The following UBQLN1 variants were observed in gnomAD, a reference collection of about 807,000 sequenced individuals.
UBQLN1 encodes the protein ubiquilin 1.
UBQLN1 carries 13 observed loss-of-function variants against 65.4 expected under a neutral mutation model. The observed-to-expected ratio is 0.20, with a 90% CI of 0.13 to 0.32. The LOEUF (loss-of-function observed/expected upper bound fraction) is 0.32. UBQLN1 is among the 10% of genes least tolerant of loss of function. UBQLN1 has a pLI of 1.00. For synonymous variants in UBQLN1, 267 were observed against 247.8 expected, an observed-to-expected ratio of 1.08 and a Z score of -0.73; for missense variants, 561 against 724.0, an observed-to-expected ratio of 0.77 and a Z score of 2.58.
At chr9:83,673,038 T>C (rs1170395476) in intron 6 of UBQLN1, among the ~76,000 whole-genome samples, 2 of 152,210 alleles carry the variant, frequency 1.3e-5, no homozygotes, top group East Asian at 1.9e-4. Context: ...TCAAGCAGCC[T>C]GGCCAACATG....
chr9:83,682,907 G>T, intron 3 of UBQLN1, 44 bp downstream of exon 3: 1 of 1,066,376 alleles, frequency 9.4e-7, no homozygotes, highest in South Asian at 1.6e-5. Context: ...GAAGGGAAAG[G>T]AGTATTTTTT....
chr9:83,673,286 C>G (rs1831765232), intron 6 of UBQLN1, among the ~76,000 whole-genome samples: 1 of 150,564 alleles, frequency 6.6e-6, no homozygotes, highest in Admixed American at 6.6e-5. Context: ...CACCTGTAAT[C>G]CTAGCACTTT....
At chr9:83,665,973 T>C (rs759117365) in intron 8 of UBQLN1, among the ~76,000 whole-genome samples, 1 of 152,100 alleles carries the variant, frequency 6.6e-6, no homozygotes, top group Admixed American at 6.5e-5. Context: ...ACCTATAAAA[T>C]AGAATAGGGT....
chr9:83,692,225 G>A (rs962108666), intron 1 of UBQLN1, among the ~76,000 whole-genome samples: 9 of 152,184 alleles, frequency 5.9e-5, no homozygotes, highest in Non-Finnish European at 1.3e-4. Context: ...AAATAATGTA[G>A]TGTTTTTATC....
chr9:83,677,647 AAAG>A (rs1395931684), intron 6 of UBQLN1, 77 bp downstream of exon 6: 2 of 1,006,258 alleles, frequency 2.0e-6, no homozygotes. Context: ...ACAAAAGCAC[AAAG>A]AATAAGAGTA....
In UBQLN1 at chr9:83,660,254, A is replaced by G; in HGVS notation, c.*1533T>C. On this transcript the variant is annotated 3_prime_UTR_variant, in exon 11 of 11. Coordinates refer to ENST00000376395, the MANE Select transcript of UBQLN1 (RefSeq NM_013438.5). ...TAACCTTTTTAATAGCAAGCAACATACAGAAGTAATGCAATCAACTTGTAT... is the reference window on the plus strand; with the variant it reads ...TAACCTTTTTAATAGCAAGCAACATGCAGAAGTAATGCAATCAACTTGTAT... 6.5e-6 allele frequency: 1 copy of G among 152,762 alleles called. No homozygotes were observed. 9.5% of individuals were successfully genotyped at this position (152,762 alleles called of 1,614,324 possible).
At chr9:83,699,084 T>C (rs1210881915) in intron 1 of UBQLN1, among the ~76,000 whole-genome samples, 1 of 152,086 alleles carries the variant, frequency 6.6e-6, no homozygotes, top group Admixed American at 6.5e-5. Context: ...TGGTGGTTGC[T>C]AGAGGTGGGG....
At chr9:83,699,302 G>C (rs1019900331) in intron 1 of UBQLN1, among the ~76,000 whole-genome samples, 4 of 152,164 alleles carry the variant, frequency 2.6e-5, no homozygotes, top group Non-Finnish European at 5.9e-5. Flanking sequence ...CCTTCCTTTT[G>C]ATTAAAGTGG....
chr9:83,665,330 AATT>A, intron 8 of UBQLN1, 185 bp from the exon 9 acceptor site: 1 of 461,970 alleles, frequency 2.2e-6, no homozygotes, highest in Non-Finnish European at 3.8e-6. Flanking sequence ...CTAGTGTGCA[AATT>A]ATTACTTGAC....
chr9:83,707,440 G>A lies in UBQLN1; in HGVS notation c.180+60C>T, dbSNP rs1832430636. Reference sequence around the variant, plus strand: ...CAGGCCCTTCCAAAAGGTCTCCTGGGGCGGCGGGCGGAGGTCCTGCCGCCA... The same window carrying A: ...CAGGCCCTTCCAAAAGGTCTCCTGGAGCGGCGGGCGGAGGTCCTGCCGCCA... On this transcript the variant is annotated intron_variant, in intron 1 of 10. Transcript: ENST00000376395. 3.3e-6 allele frequency: 5 copies of A among 1,520,206 alleles called. No individual in the cohort carries two copies. The East Asian group carries it at 9.6e-5, about 29-fold the overall frequency. 94.2% of individuals were successfully genotyped at this position (1,520,206 alleles called of 1,614,324 possible). A position where few individuals can be genotyped will look rare whatever the true frequency, so the allele number is the denominator to read the frequency against.
intron 7 of UBQLN1, chr9:83,668,218 T>C: frequency 1.0e-6 from 1 of 985,098 alleles, no homozygotes; most frequent in Non-Finnish European, 1.2e-6. Context: ...ACAAATTTGG[T>C]GAGGGCATAA....
intron 6 of UBQLN1, among the ~76,000 whole-genome samples, chr9:83,669,880 A>T (rs1831703328): frequency 6.6e-6 from 1 of 152,180 alleles, no homozygotes; most frequent in South Asian, 2.1e-4. Flanking sequence ...CAGTATCAGG[A>T]GCCTGATTAC....
rs181281090 is a variant in UBQLN1 at position 83,691,851 on chromosome 9, A to G, written c.181-5696T>C. Among the ~76,000 whole-genome samples the G allele has an allele frequency of 5.2e-5, 8 of 152,388 alleles. No individual in the cohort carries two copies. In the East Asian group the frequency reaches 1.5e-3, roughly 29 times the overall value. ...TGAATTTATGGCACTTCATGCTAAA[A>G]GTTGGAAAACATGTTAAAAATGGTG... On this transcript the variant is annotated intron_variant, in intron 1 of 10. Coordinates refer to ENST00000376395, the MANE Select transcript of UBQLN1 (RefSeq NM_013438.5).
At chr9:83,678,370 C>T in intron 5 of UBQLN1, 71 bp downstream of exon 5, 1 of 1,502,978 alleles carries the variant, frequency 6.7e-7, no homozygotes, top group Non-Finnish European at 8.9e-7. Flanking sequence ...AAAAGCTACC[C>T]TCAATCATAC....
At chr9:83,662,273 TAC>T (rs370539805) in intron 10 of UBQLN1, among the ~76,000 whole-genome samples, 17,876 of 143,114 alleles carry the variant, frequency 0.12, 1,144 homozygotes, top group East Asian at 0.22. Context: ...CATATACATA[TAC>T]ACACACACAC....
chr9:83,673,565 A>C (rs1315595489), intron 6 of UBQLN1, among the ~76,000 whole-genome samples: 4,202 of 43,390 alleles, frequency 0.097, 96 homozygotes, highest in Admixed American at 0.12. Context: ...AAAAAAAAAA[A>C]AACAAAAAAA....
chr9:83,664,668 G>T (rs1282049977), intron 9 of UBQLN1, among the ~76,000 whole-genome samples: 1 of 151,946 alleles, frequency 6.6e-6, no homozygotes. Flanking sequence ...ATCCCACTTT[G>T]GGAGGCCAAA....
At chr9:83,693,310 CTGTT>C (rs1832158211) in intron 1 of UBQLN1, among the ~76,000 whole-genome samples, 1 of 152,178 alleles carries the variant, frequency 6.6e-6, no homozygotes, top group African/African-American at 2.4e-5. Context: ...AAGGTTACCT[CTGTT>C]TGAGCACCAA....
intron 7 of UBQLN1, chr9:83,667,889 T>C: frequency 1.0e-6 from 1 of 976,990 alleles, no homozygotes; most frequent in Non-Finnish European, 1.2e-6. Context: ...ATAAAAGACA[T>C]GCCAATCTAG....
Sources: allele counts gnomAD v4.1 joint callset (sites outside exome capture counted in the v4.1 genomes callset), GRCh38; gene constraint gnomAD v4.1.1; transcripts MANE v1.5; gene names NCBI Gene and HGNC (gene_info 2026-07-23, HGNC 2026-07-21).